The following CUL1 variants were observed in gnomAD, a reference collection of about 807,000 sequenced individuals.
CUL1 encodes the protein cullin 1, also known as cullin-1.
A neutral mutation model predicts 118.0 loss-of-function variants in CUL1; 24 were observed. The observed-to-expected ratio is 0.20, with a 90% confidence interval of 0.15 to 0.29. The LOEUF is 0.29. Ranked by LOEUF, CUL1 falls within the 10% of genes least tolerant of loss-of-function variation. The pLI is 1.00. For synonymous variants in CUL1, 332 were observed against 340.4 expected (o/e 0.98, Z 0.27); for missense variants, 361 against 933.8 (o/e 0.39, Z 7.99).
chr7:148,792,037 T>G (rs893314710), intron 16 of CUL1, among the ~76,000 whole-genome samples: 1 of 152,092 alleles, frequency 6.6e-6, no homozygotes, highest in Non-Finnish European at 1.5e-5. Flanking sequence ...AATACAAAAA[T>G]TAGCTGGGTG....
At chr7:148,790,180 C>T (rs1032478098) in intron 15 of CUL1, 130 bp from the exon 16 acceptor site, 19 of 962,820 alleles carry the variant, frequency 2.0e-5, no homozygotes, top group African/African-American at 4.9e-5. Flanking sequence ...AGACACCTGG[C>T]GTTTGTATTT....
rs538934359 is a variant in CUL1, at chr7:148,727,746, G to T, written c.-161-2216G>T. ...GTAGCAGATGCAGAGATCCTGTGGC[G>T]GGGAAAGGAGACTGAGGTGGCAAGG... On this transcript the variant is annotated intron_variant, in intron 1 of 21. Coordinates refer to ENST00000325222, the MANE Select transcript of CUL1 (RefSeq NM_003592.3). 5.9e-5 allele frequency among the ~76,000 whole-genome samples: 9 copies of T among 152,204 alleles called. 1 individual carries two copies. In the South Asian group the frequency reaches 1.9e-3, roughly 32 times the overall value.
chr7:148,798,754 T>G, intron 20 of CUL1, 77 bp downstream of exon 20: 1 of 1,187,032 alleles, frequency 8.4e-7, no homozygotes, highest in African/African-American at 1.5e-5. Flanking sequence ...CCGTGGGGGG[T>G]AGGCGGGGGT....
chr7:148,766,504 T>C, intron 7 of CUL1, 57 bp from the exon 8 acceptor site: 1 of 1,386,166 alleles, frequency 7.2e-7, no homozygotes, highest in Non-Finnish European at 9.8e-7. Context: ...TATTAAAGAA[T>C]TGTAACAGTT....
At chr7:148,732,382 C>A (rs1798790882) in intron 2 of CUL1, among the ~76,000 whole-genome samples, 1 of 150,768 alleles carries the variant, frequency 6.6e-6, no homozygotes, top group South Asian at 2.1e-4. Context: ...CTCGCTCTGC[C>A]ACCCAGGCTA....
At position 148,757,010 on chromosome 7, in the gene CUL1, G is replaced by A. The variant is rs1379196085; in HGVS notation, c.343G>A (p.Val115Ile). 2 of 1,603,724 alleles carry A rather than the reference G, an allele frequency of 1.2e-6. No homozygotes were observed. Among genetic ancestry groups the A allele is most frequent in the Non-Finnish European group, 1.7e-6 (2 of 1,176,210 alleles). ...KDGEDLMDES[V>I]LKFYTQQWED... ...TGGAGAAGATTTGATGGATGAGAGT[G>A]TACTGAAATTCTACACTCAACAATG... Residue 115 changes from valine to isoleucine, a missense_variant, in exon 4 of 22, where the codon GTA (valine) becomes ATA (isoleucine). Transcript: ENST00000325222.
rs769392557 is a variant in CUL1 at position 148,789,834 on chromosome 7, T to G, written c.1674+8T>G. Reference sequence around the variant, plus strand: ...TTTGCCTTGCCGTCAGAGGTAAGGATGGGTTTGTCTGCCATCCCATTAGTG... The same window carrying G: ...TTTGCCTTGCCGTCAGAGGTAAGGAGGGGTTTGTCTGCCATCCCATTAGTG... On this transcript the variant is annotated splice_region_variant and intron_variant, in intron 15 of 21. Coordinates refer to ENST00000325222, the MANE Select transcript of CUL1 (RefSeq NM_003592.3). 6.2e-7 allele frequency: 1 copy of G among 1,613,418 alleles called. No homozygotes were observed. The highest frequency in any genetic ancestry group is 1.1e-5 in the South Asian group (1 of 91,052).
chr7:148,753,114 A>G (rs1007729229), intron 2 of CUL1, among the ~76,000 whole-genome samples: 4 of 152,214 alleles, frequency 2.6e-5, no homozygotes, highest in Non-Finnish European at 5.9e-5. Context: ...ATATTTAGAA[A>G]TATCTTGCCC....
At chr7:148,792,137 G>A (rs1026538790) in intron 16 of CUL1, among the ~76,000 whole-genome samples, 1 of 151,310 alleles carries the variant, frequency 6.6e-6, no homozygotes, top group Non-Finnish European at 1.5e-5. Flanking sequence ...AGTGAGTCGA[G>A]ATTGTGCCAC....
intron 1 of CUL1, among the ~76,000 whole-genome samples, chr7:148,715,252 T>C (rs1798176553): frequency 6.6e-6 from 1 of 152,204 alleles, no homozygotes; most frequent in South Asian, 2.1e-4. Flanking sequence ...GGCAGGTATC[T>C]GGTGATTTCT....
chr7:148,708,083 T>C (rs1797943267), intron 1 of CUL1, among the ~76,000 whole-genome samples: 1 of 152,236 alleles, frequency 6.6e-6, no homozygotes, highest in South Asian at 2.1e-4. Context: ...ATCTTATCTT[T>C]TCTAACTCTT....
Position 148,760,342 on chromosome 7 carries a change from G to C in CUL1, c.635G>C (p.Gly212Ala). ...TCATATTCATTTCTAGTGGAATTGGGGCTGAATGAAGATGATGCATTTGCA... is the reference window on the plus strand; with the variant it reads ...TCATATTCATTTCTAGTGGAATTGGCGCTGAATGAAGATGATGCATTTGCA... ...SGVVQSYVEL[G>A]LNEDDAFAKG... is the part of the protein sequence containing the mutation. The change falls in exon 7 of 22, where the codon GGG becomes GCG. Residue 212 changes from glycine (G) to alanine (A), a missense_variant. By Grantham distance (60) the Gly-to-Ala change is moderately conservative. Coordinates refer to ENST00000325222, the MANE Select transcript of CUL1 (RefSeq NM_003592.3). 1.3e-6 allele frequency: 2 copies of C among 1,599,658 alleles called. No individual in the cohort carries two copies. The highest frequency in any genetic ancestry group is 2.3e-5 in the South Asian group (2 of 87,604).
chr7:148,715,670 C>T (rs1012682135), intron 1 of CUL1, among the ~76,000 whole-genome samples: 11 of 152,058 alleles, frequency 7.2e-5, no homozygotes, highest in Non-Finnish European at 1.3e-4. Flanking sequence ...TTTTTGTTTG[C>T]GCTGTTGCCA....
chr7:148,714,498 T>G (rs1361962715), intron 1 of CUL1, among the ~76,000 whole-genome samples: 1 of 152,162 alleles, frequency 6.6e-6, no homozygotes, highest in Non-Finnish European at 1.5e-5. Flanking sequence ...TCCCCCTCCT[T>G]GGTGCTTGAT....
chr7:148,749,664 GAC>G (rs1799423175), intron 2 of CUL1, among the ~76,000 whole-genome samples: 1 of 152,052 alleles, frequency 6.6e-6, no homozygotes, highest in Admixed American at 6.6e-5. Context: ...TACTCCCTGA[GAC>G]ACAACAATCT....
At chr7:148,713,013 CTTTA>C (rs1798099455) in intron 1 of CUL1, among the ~76,000 whole-genome samples, 1 of 152,046 alleles carries the variant, frequency 6.6e-6, no homozygotes, top group African/African-American at 2.4e-5. Flanking sequence ...AGCTCTTTTT[CTTTA>C]TTTGATTTTT....
intron 1 of CUL1, among the ~76,000 whole-genome samples, chr7:148,705,098 A>G (rs1372921534): frequency 6.6e-6 from 1 of 152,084 alleles, no homozygotes; most frequent in Non-Finnish European, 1.5e-5. Context: ...TTATTTCCCC[A>G]TATCTTAATC....
At chr7:148,769,880 G>GA (rs953917658) in intron 9 of CUL1, among the ~76,000 whole-genome samples, 8 of 149,838 alleles carry the variant, frequency 5.3e-5, no homozygotes, top group African/African-American at 9.8e-5. Flanking sequence ...AAGGAAGAAA[G>GA]AAAAAAAAAG....
intron 8 of CUL1, among the ~76,000 whole-genome samples, 175 bp from the exon 9 acceptor site, chr7:148,767,444 T>C (rs1421814983): frequency 2.0e-5 from 3 of 152,072 alleles, no homozygotes; most frequent in Non-Finnish European, 4.4e-5. Flanking sequence ...TTTAGCAAAA[T>C]ATACATATAC....
Sources: gnomAD v4.1 joint callset for allele counts (sites outside exome capture counted in the v4.1 genomes callset) on GRCh38, gnomAD v4.1.1 for gene constraint, MANE v1.5 for transcripts, NCBI Gene and HGNC (gene_info 2026-07-23, HGNC 2026-07-21) for gene names.